Variants in ADRA1B observed in about 807,000 individuals in gnomAD.
ADRA1B encodes alpha-1B adrenergic receptor.
Under a neutral mutation model 17.9 loss-of-function variants are expected in ADRA1B, and 17 were observed. The ratio of observed to expected loss-of-function variants is 0.95; its 90% CI spans 0.65 to 1.42. The LOEUF (loss-of-function observed/expected upper bound fraction) is 1.42, where lower values mean the gene tolerates loss of function less well. Among genes scored for constraint, ADRA1B ranks in the 40% most tolerant of loss-of-function variants. ADRA1B has a pLI of 0.00. For synonymous variants in ADRA1B, 366 were observed against 327.6 expected (o/e 1.12, Z -1.27); for missense variants, 681 against 722.1 (o/e 0.94, Z 0.65).
chr5:159,902,056 G>T (rs895029221), intron 1 of ADRA1B, among the ~76,000 whole-genome samples: 1 of 152,198 alleles, frequency 6.6e-6, no homozygotes, highest in African/African-American at 2.4e-5. Flanking sequence ...ACCCATGTTT[G>T]CTGCAGCATT....
chr5:159,878,298 T>A (rs1378580982), intron 1 of ADRA1B, among the ~76,000 whole-genome samples: 1 of 152,264 alleles, frequency 6.6e-6, no homozygotes, highest in Middle Eastern at 3.4e-3. Context: ...GGGTTTGCAC[T>A]GGGCAGCTGG....
At chr5:159,966,300 A>C (rs950863040) in intron 1 of ADRA1B, among the ~76,000 whole-genome samples, 8 of 152,210 alleles carry the variant, frequency 5.3e-5, no homozygotes, top group Admixed American at 5.2e-4. Flanking sequence ...AGTGACAGAC[A>C]CCTGGGATCC....
intron 1 of ADRA1B, among the ~76,000 whole-genome samples, chr5:159,967,087 T>C (rs1377227141): frequency 6.6e-6 from 1 of 152,210 alleles, no homozygotes; most frequent in Non-Finnish European, 1.5e-5. Flanking sequence ...TTAACTCTGA[T>C]CCCTTCTGCT....
chr5:159,939,760 C>A (rs1755074289), intron 1 of ADRA1B, among the ~76,000 whole-genome samples: 2 of 152,236 alleles, frequency 1.3e-5, no homozygotes, highest in Non-Finnish European at 1.5e-5. Context: ...AGCAGTCTCC[C>A]TTCCCTGAAC....
intron 1 of ADRA1B, among the ~76,000 whole-genome samples, chr5:159,958,448 T>G (rs1379328860): frequency 1.3e-5 from 2 of 152,314 alleles, no homozygotes; most frequent in South Asian, 4.1e-4. Flanking sequence ...GCCCTAGGAT[T>G]TTTTTTAATT....
intron 1 of ADRA1B, among the ~76,000 whole-genome samples, chr5:159,934,318 G>A (rs1333992995): frequency 6.6e-6 from 1 of 152,190 alleles, no homozygotes; most frequent in South Asian, 2.1e-4. Flanking sequence ...GGTTGGGAAT[G>A]GCACTAAGCC....
At chr5:159,966,021 C>G (rs1459541688) in intron 1 of ADRA1B, among the ~76,000 whole-genome samples, 1 of 152,038 alleles carries the variant, frequency 6.6e-6, no homozygotes, top group East Asian at 1.9e-4. Context: ...GTAATCCGCC[C>G]TCCTTGGCCT....
chr5:159,934,741 G>A (rs1043685219), intron 1 of ADRA1B, among the ~76,000 whole-genome samples: 30 of 151,740 alleles, frequency 2.0e-4, no homozygotes, highest in African/African-American at 7.0e-4. Context: ...CCCAGGAGGT[G>A]GAGGGTGGAG....
chr5:159,922,863 C>G, intron 1 of ADRA1B, among the ~76,000 whole-genome samples: 1 of 152,260 alleles, frequency 6.6e-6, no homozygotes, highest in Non-Finnish European at 1.5e-5. Flanking sequence ...GTAGGGAACA[C>G]AGAGATGTTG....
intron 1 of ADRA1B, among the ~76,000 whole-genome samples, chr5:159,943,002 A>G (rs1457964135): frequency 6.6e-6 from 1 of 152,186 alleles, no homozygotes; most frequent in African/African-American, 2.4e-5. Flanking sequence ...ACCTGAGGTC[A>G]GGAGTTCGAG....
chr5:159,881,298 G>GC (rs1753859454), intron 1 of ADRA1B, among the ~76,000 whole-genome samples: 1 of 66,956 alleles, frequency 1.5e-5, no homozygotes, highest in Non-Finnish European at 3.2e-5. Context: ...ATATCAGAAA[G>GC]TTCTCTCTCT....
At chr5:159,885,500 A>G (rs78972601) in intron 1 of ADRA1B, among the ~76,000 whole-genome samples, 1 of 152,366 alleles carries the variant, frequency 6.6e-6, no homozygotes, top group Non-Finnish European at 1.5e-5. Flanking sequence ...TCAAATAGAG[A>G]GTCTCAGAAG....
At position 159,917,380 on chromosome 5, in the gene ADRA1B, C is replaced by A; in HGVS notation, c.475C>A (p.Arg159=). The A allele has an allele frequency of 6.2e-7, 1 of 1,614,154 alleles. No homozygotes were observed. Among genetic ancestry groups the A allele is most frequent in the Admixed American group, 1.7e-5 (1 of 60,026 alleles). Residue 159 remains arginine, a synonymous_variant, in exon 1 of 2, where the codon CGG becomes AGG. Transcript: ENST00000306675. ...YSLQYPTLVT[R]RKAILALLSV... is the part of the protein sequence containing the mutation. The stretch of plus-strand genomic sequence containing the variant: ...TCTGCAGTATCCCACGCTGGTCACC[C>A]GGAGGAAGGCCATCTTGGCGCTGCT...
chr5:159,882,695 C>A (rs574587134), intron 1 of ADRA1B, among the ~76,000 whole-genome samples: 4 of 152,288 alleles, frequency 2.6e-5, no homozygotes, highest in African/African-American at 9.6e-5. Context: ...TTGGTAATAT[C>A]CAAGCTGCAG....
chr5:159,928,594 G>A (rs918866592), intron 1 of ADRA1B, among the ~76,000 whole-genome samples: 8 of 152,100 alleles, frequency 5.3e-5, no homozygotes, highest in Admixed American at 1.3e-4. Flanking sequence ...CTTGCTCCCC[G>A]CTAAGCTTTC....
upstream of ADRA1B, among the ~76,000 whole-genome samples, chr5:159,913,610 C>T (rs1049578913): frequency 6.6e-6 from 1 of 152,226 alleles, no homozygotes; most frequent in African/African-American, 2.4e-5. Flanking sequence ...AGGTAACAAA[C>T]TATTTTCTTT....
chr5:159,955,561 G>A (rs1158307237), intron 1 of ADRA1B, among the ~76,000 whole-genome samples: 1 of 152,160 alleles, frequency 6.6e-6, no homozygotes, highest in East Asian at 1.9e-4. Context: ...CTCTTGTAGA[G>A]CCTTTCATCC....
chr5:159,923,067 G>A (rs1283938951), intron 1 of ADRA1B, among the ~76,000 whole-genome samples: 2 of 152,276 alleles, frequency 1.3e-5, no homozygotes, highest in East Asian at 3.8e-4. Flanking sequence ...GAAGAAAAGT[G>A]TGGGCAGGAG....
chr5:159,935,135 A>G (rs1754919851), intron 1 of ADRA1B, among the ~76,000 whole-genome samples: 1 of 152,232 alleles, frequency 6.6e-6, no homozygotes, highest in Non-Finnish European at 1.5e-5. Flanking sequence ...TTGAGGAAAC[A>G]AAAATGAGAT....
Sources: allele counts gnomAD v4.1 joint callset (sites outside exome capture counted in the v4.1 genomes callset), GRCh38; gene constraint gnomAD v4.1.1; transcripts MANE v1.5; gene names NCBI Gene and HGNC (gene_info 2026-07-23, HGNC 2026-07-21).